Variants in EVA1A observed in about 807,000 individuals in gnomAD.
EVA1A encodes the protein protein eva-1 homolog A.
Under a neutral mutation model 9.8 loss-of-function variants are expected in EVA1A, and 7 were observed. That is an observed-to-expected ratio of 0.71 (90% CI 0.41 to 1.34). The LOEUF (loss-of-function observed/expected upper bound fraction) is 1.34, where lower values mean the gene tolerates loss of function less well. Ranked by LOEUF, EVA1A falls within the 40% of genes most tolerant of loss-of-function variation. The pLI is 0.01. For synonymous variants in EVA1A, 90 were observed against 85.6 expected (o/e 1.05, Z -0.28); for missense variants, 206 against 205.9 (o/e 1.00, Z 0.00).
intron 3 of EVA1A, chr2:75,517,817 G>A (rs1053740056): frequency 1.9e-5 from 14 of 722,126 alleles, no homozygotes; most frequent in Admixed American, 1.2e-4. Context: ...ACTCACTTGA[G>A]CAGCTAAACA....
At chr2:75,543,533 A>C (rs915185101) in intron 1 of EVA1A, among the ~76,000 whole-genome samples, 8 of 152,080 alleles carry the variant, frequency 5.3e-5, no homozygotes, top group African/African-American at 1.9e-4. Context: ...AAAACAAAAA[A>C]AACCTTGACC....
chr2:75,533,433 T>G (rs888743968), intron 1 of EVA1A, among the ~76,000 whole-genome samples: 4 of 152,024 alleles, frequency 2.6e-5, no homozygotes, highest in African/African-American at 7.3e-5. Context: ...GAAGGAAAAC[T>G]AAGAGAAATT....
chr2:75,508,694 C>A (rs1270810884), intron 3 of EVA1A, among the ~76,000 whole-genome samples: 3 of 152,008 alleles, frequency 2.0e-5, no homozygotes, highest in African/African-American at 7.2e-5. Flanking sequence ...TTGCACACTC[C>A]CTCCCCTTTT....
Position 75,492,578 on chromosome 2 carries a change from T to A in EVA1A, c.*658A>T, listed in dbSNP as rs531976587. 1 of 152,734 alleles carries A rather than the reference T, an allele frequency of 6.5e-6. No homozygotes were observed. The highest frequency in any genetic ancestry group is 1.5e-5 in the Non-Finnish European group (1 of 68,036). The allele number at this position is 152,734 out of a possible 1,614,324, so 9.5% of individuals were successfully genotyped here. Reference sequence around the variant, plus strand: ...ATAAACTATTTAAAATAAAAACCCTTCATCCTTTGAGGTTATTGACATTTT... The same window carrying A: ...ATAAACTATTTAAAATAAAAACCCTACATCCTTTGAGGTTATTGACATTTT... On this transcript the variant is annotated 3_prime_UTR_variant, in exon 4 of 4. Transcript: ENST00000393913.
At chr2:75,533,864 T>G (rs897194759) in intron 1 of EVA1A, among the ~76,000 whole-genome samples, 1 of 151,924 alleles carries the variant, frequency 6.6e-6, no homozygotes, top group South Asian at 2.1e-4. Context: ...CAGGCTGGAG[T>G]GCAGTGGCGC....
At chr2:75,559,325 G>A (rs1001710009) in intron 1 of EVA1A, among the ~76,000 whole-genome samples, 5 of 152,130 alleles carry the variant, frequency 3.3e-5, no homozygotes, top group Non-Finnish European at 7.4e-5. Flanking sequence ...TCAAAATTCC[G>A]TTGAAAACCA....
Position 75,559,020 on chromosome 2 carries a change from T to C in EVA1A, c.-192+1660A>G, listed in dbSNP as rs530353044. 2.0e-5 allele frequency among the ~76,000 whole-genome samples: 3 copies of C among 152,322 alleles called. No individual in the cohort carries two copies. The South Asian group carries it at 6.2e-4, about 32-fold the overall frequency. ...TGGAGGGAAAGACTGGGACAGAGAC[T>C]GGTATAATCAGCCAAACTAGAGCAG... is the stretch of plus-strand genomic sequence containing the variant. On this transcript the variant is annotated intron_variant, in intron 1 of 3. Coordinates refer to ENST00000393913, the MANE Select transcript of EVA1A (RefSeq NM_001135032.2).
At chr2:75,530,887 T>C (rs1572971359) in intron 1 of EVA1A, among the ~76,000 whole-genome samples, 5 of 151,830 alleles carry the variant, frequency 3.3e-5, no homozygotes, top group African/African-American at 1.2e-4. Flanking sequence ...AACATAGTAC[T>C]GGAAGTCCTA....
At chr2:75,559,500 T>A (rs1676838699) in intron 1 of EVA1A, among the ~76,000 whole-genome samples, 1 of 152,186 alleles carries the variant, frequency 6.6e-6, no homozygotes. Flanking sequence ...AAGCCAGCCT[T>A]CTGAACAGTA....
intron 1 of EVA1A, among the ~76,000 whole-genome samples, chr2:75,546,141 A>C (rs1676321444): frequency 6.6e-6 from 1 of 152,160 alleles, no homozygotes; most frequent in African/African-American, 2.4e-5. Context: ...AAGGGAGCTC[A>C]GACTCTCTCC....
At chr2:75,522,336 G>A (rs902614443) in intron 2 of EVA1A, 29 bp downstream of exon 2, 4 of 152,104 alleles carry the variant, frequency 2.6e-5, no homozygotes, top group African/African-American at 7.2e-5. Context: ...GTGTTCAGGG[G>A]GTAATAATCT....
At chr2:75,508,636 A>G (rs900827779) in intron 3 of EVA1A, among the ~76,000 whole-genome samples, 1 of 151,950 alleles carries the variant, frequency 6.6e-6, no homozygotes, top group African/African-American at 2.4e-5. Context: ...TTGCCTTGTG[A>G]TATTCTATTA....
intron 1 of EVA1A, among the ~76,000 whole-genome samples, chr2:75,568,453 CT>C (rs548662234): frequency 1.1e-3 from 169 of 151,236 alleles, no homozygotes; most frequent in Non-Finnish European, 2.0e-3. Flanking sequence ...AGATATTGTC[CT>C]TTTTTTAATT....
intron 1 of EVA1A, among the ~76,000 whole-genome samples, chr2:75,546,108 A>C (rs75658233): frequency 0.016 from 2,392 of 152,264 alleles, 56 homozygotes; most frequent in African/African-American, 0.055. Context: ...GGGCCAGGTC[A>C]TGGGAGGCCT....
At chr2:75,499,054 G>T (rs1674317501) in intron 3 of EVA1A, among the ~76,000 whole-genome samples, 1 of 152,176 alleles carries the variant, frequency 6.6e-6, no homozygotes, top group South Asian at 2.1e-4. Context: ...CTGATGACAG[G>T]CTGGAATGGG....
chr2:75,493,343 G>A lies in EVA1A; in HGVS notation c.352C>T (p.Leu118=). ...NKNVFTSAEE[L]ERAQRLEERE... is the part of the protein sequence containing the mutation. ...TCCTCCAGCCGCTGGGCGCGCTCCA[G>A]CTCCTCCGCAGAGGTGAACACATTC... is the stretch of plus-strand genomic sequence containing the variant. Residue 118 remains leucine (L), a synonymous_variant, in exon 4 of 4, where the codon CTG becomes TTG. Transcript: ENST00000393913. The A allele has an allele frequency of 6.2e-7, 1 of 1,614,188 alleles. No homozygotes were observed. The highest frequency in any genetic ancestry group is 8.5e-7 in the Non-Finnish European group (1 of 1,180,024).
intron 1 of EVA1A, among the ~76,000 whole-genome samples, chr2:75,536,033 C>T (rs903969122): frequency 6.6e-6 from 1 of 152,230 alleles, no homozygotes; most frequent in Non-Finnish European, 1.5e-5. Flanking sequence ...CCGCACCCAG[C>T]CACTGCCAGT....
At chr2:75,507,251 A>T (rs1366005906) in intron 3 of EVA1A, among the ~76,000 whole-genome samples, 1 of 152,176 alleles carries the variant, frequency 6.6e-6, no homozygotes, top group Non-Finnish European at 1.5e-5. Context: ...AACAGGCCTG[A>T]AGTTTGCTTT....
chr2:75,555,796 C>T (rs1294686385), intron 1 of EVA1A, among the ~76,000 whole-genome samples: 1 of 152,216 alleles, frequency 6.6e-6, no homozygotes, highest in African/African-American at 2.4e-5. Flanking sequence ...CATATGCCTA[C>T]ATGTCTTCCA....
Sources: allele counts gnomAD v4.1 joint callset (sites outside exome capture counted in the v4.1 genomes callset), GRCh38; gene constraint gnomAD v4.1.1; transcripts MANE v1.5; gene names NCBI Gene and HGNC (gene_info 2026-07-23, HGNC 2026-07-21).